The following SHANK2 variants were observed in gnomAD, a reference collection of about 807,000 sequenced individuals.
SHANK2 encodes the protein SH3 and multiple ankyrin repeat domains protein 2.
Under a neutral mutation model 133.7 loss-of-function variants are expected in SHANK2, and 43 were observed. The observed-to-expected ratio is 0.32, with a 90% CI of 0.25 to 0.41. The LOEUF (loss-of-function observed/expected upper bound fraction) is 0.41. Among genes scored for constraint, SHANK2 ranks in the 10% least tolerant of loss-of-function variants. The pLI, the probability that SHANK2 is intolerant of heterozygous loss-of-function variation, is 1.00. For missense variants in SHANK2, 1,994 were observed against 2,235.8 expected (o/e 0.89, Z 2.18); for synonymous variants, 1,017 against 952.8 (o/e 1.07, Z -1.24).
At position 71,248,044 on chromosome 11, in the gene SHANK2, G is replaced by A. The variant is rs184767878; in HGVS notation, c.-113+4381C>T. Among the ~76,000 whole-genome samples, 229 of 152,298 alleles carry A rather than the reference G, an allele frequency of 1.5e-3. 1 individual carries two copies. The highest frequency in any genetic ancestry group is 1.9e-3 in the Non-Finnish European group (131 of 68,022). The stretch of plus-strand genomic sequence containing the variant: ...AGTCCCTCCCTGAAGGCCCATCCCC[G>A]GCATATGTGCATCCAGAGAGACCCA... On this transcript the variant is annotated intron_variant, in intron 1 of 25. Transcript: ENST00000601538.
chr11:70,631,832 A>C (rs2060995642), intron 17 of SHANK2: 1 of 152,226 alleles, frequency 6.6e-6, no homozygotes, highest in Non-Finnish European at 1.5e-5. Context: ...GGCGTCTGAA[A>C]TCTGCTGTGT....
intron 10 of SHANK2, among the ~76,000 whole-genome samples, chr11:70,905,656 G>A (rs79145414): frequency 6.6e-5 from 10 of 152,188 alleles, no homozygotes; most frequent in African/African-American, 9.6e-5. Context: ...CACCCCTTCC[G>A]CCATGTGAGG....
chr11:70,675,075 C>G (rs566056776), intron 15 of SHANK2, among the ~76,000 whole-genome samples: 2 of 152,294 alleles, frequency 1.3e-5, no homozygotes, highest in South Asian at 2.1e-4. Flanking sequence ...GCAAGGAGAA[C>G]GCGTTTTAGA....
intron 15 of SHANK2, among the ~76,000 whole-genome samples, chr11:70,690,406 T>C (rs1555020661): frequency 4.7e-5 from 7 of 150,452 alleles, no homozygotes. Context: ...ATACTATTAG[T>C]ACCCTTCTTC....
intron 10 of SHANK2, chr11:70,942,462 A>C (rs1590857899): frequency 2.3e-6 from 1 of 444,050 alleles, no homozygotes; most frequent in East Asian, 7.0e-5. Context: ...AGAGAACACC[A>C]CCAAGCTATT....
intron 17 of SHANK2, among the ~76,000 whole-genome samples, chr11:70,545,202 C>T (rs117405363): frequency 2.5e-3 from 386 of 152,342 alleles, no homozygotes; most frequent in Non-Finnish European, 4.2e-3. Context: ...TCCCTGGGCT[C>T]GCGCTGTCTG....
chr11:70,499,982 T>C (rs1277783653), intron 21 of SHANK2, among the ~76,000 whole-genome samples: 2 of 152,164 alleles, frequency 1.3e-5, no homozygotes, highest in Admixed American at 6.5e-5. Flanking sequence ...TACCCCCCGA[T>C]GTGCTTGCTG....
chr11:70,813,591 C>T (rs1377366833), intron 12 of SHANK2, among the ~76,000 whole-genome samples: 2 of 152,040 alleles, frequency 1.3e-5, no homozygotes, highest in Non-Finnish European at 1.5e-5. Context: ...CAGGTTACGG[C>T]TCACGCAGAA....
chr11:70,502,090 G>A (rs2059062335), intron 19 of SHANK2, 116 bp downstream of exon 19: 1 of 1,327,016 alleles, frequency 7.5e-7, no homozygotes, highest in East Asian at 2.5e-5. Flanking sequence ...CTGGGTACAG[G>A]GGCAGGAGGG....
intron 10 of SHANK2, among the ~76,000 whole-genome samples, chr11:70,952,115 G>A: frequency 6.6e-6 from 1 of 152,174 alleles, no homozygotes; most frequent in East Asian, 1.9e-4. Context: ...CCTGCCCAGG[G>A]GCACCAGCTG....
At chr11:71,172,986 G>C (rs1032131042) in intron 2 of SHANK2, among the ~76,000 whole-genome samples, 11 of 152,356 alleles carry the variant, frequency 7.2e-5, no homozygotes, top group Non-Finnish European at 1.3e-4. Flanking sequence ...GGGGCCATTG[G>C]GCTGCTGGAG....
At chr11:71,126,744 T>TTTTTG (rs1952197387) in intron 3 of SHANK2, among the ~76,000 whole-genome samples, 1 of 145,430 alleles carries the variant, frequency 6.9e-6, no homozygotes, top group African/African-American at 2.5e-5. Flanking sequence ...TTTTTTTTTT[T>TTTTTG]GAGATGGAGT....
intron 17 of SHANK2, among the ~76,000 whole-genome samples, chr11:70,562,533 C>T (rs2059919110): frequency 6.6e-6 from 1 of 152,174 alleles, no homozygotes; most frequent in African/African-American, 2.4e-5. Context: ...TTCTTTAATA[C>T]TGTTAACATT....
chr11:71,137,339 A>T (rs1408432679), intron 3 of SHANK2, among the ~76,000 whole-genome samples: 2 of 148,378 alleles, frequency 1.3e-5, no homozygotes, highest in Non-Finnish European at 3.0e-5. Context: ...TATCTAAGAG[A>T]GCAAATAACA....
chr11:70,595,863 G>A (rs1374434150), intron 17 of SHANK2, among the ~76,000 whole-genome samples: 1 of 152,268 alleles, frequency 6.6e-6, no homozygotes, highest in Non-Finnish European at 1.5e-5. Context: ...TGCAGATTTA[G>A]TTAAGGTAAG....
At chr11:71,165,091 T>C (rs1342244605) in intron 2 of SHANK2, among the ~76,000 whole-genome samples, 8 of 151,852 alleles carry the variant, frequency 5.3e-5, no homozygotes, top group Non-Finnish European at 1.0e-4. Context: ...TGGAGTGCAG[T>C]GGCACGATCT....
chr11:71,116,032 A>G (rs1951972845), intron 4 of SHANK2, among the ~76,000 whole-genome samples: 2 of 152,152 alleles, frequency 1.3e-5, no homozygotes. Context: ...GTGGCATCTC[A>G]TCTTTTTCTA....
chr11:70,940,571 G>A (rs75043268), intron 10 of SHANK2, among the ~76,000 whole-genome samples: 9,633 of 151,890 alleles, frequency 0.063, 652 homozygotes, highest in African/African-American at 0.17. Context: ...AGCAGGCCCA[G>A]GACACAAAGG....
chr11:70,493,078 T>G (rs2058918024), intron 21 of SHANK2, among the ~76,000 whole-genome samples: 1 of 151,932 alleles, frequency 6.6e-6, no homozygotes, highest in Non-Finnish European at 1.5e-5. Context: ...TTACAGCCAT[T>G]TGGGCCATTT....
Sources: allele counts gnomAD v4.1 joint callset (sites outside exome capture counted in the v4.1 genomes callset), GRCh38; gene constraint gnomAD v4.1.1; transcripts MANE v1.5; gene names NCBI Gene and HGNC (gene_info 2026-07-23, HGNC 2026-07-21).